Variants in TRAF3IP1 observed in about 807,000 individuals in gnomAD.
The protein encoded by TRAF3IP1 is TRAF3-interacting protein 1.
A neutral mutation model predicts 89.9 loss-of-function variants in TRAF3IP1; 53 were observed. The observed-to-expected ratio is 0.59, with a 90% confidence interval of 0.47 to 0.74. TRAF3IP1 has a LOEUF of 0.74. Among genes scored for constraint, TRAF3IP1 ranks in the 30% least tolerant of loss-of-function variants. The pLI, the probability that TRAF3IP1 is intolerant of heterozygous loss-of-function variation, is 0.00. For missense variants in TRAF3IP1, 806 were observed against 866.1 expected (o/e 0.93, Z 0.87); for synonymous variants, 311 against 322.1 (o/e 0.97, Z 0.37).
At chr2:238,343,559 T>C (rs1022552024) in intron 8 of TRAF3IP1, among the ~76,000 whole-genome samples, 2 of 151,776 alleles carry the variant, frequency 1.3e-5, no homozygotes, top group African/African-American at 4.8e-5. Flanking sequence ...TTTTTGTAGA[T>C]ATGAGGTTTC....
chr2:238,328,893 A>C, intron 4 of TRAF3IP1, 33 bp from the exon 5 acceptor site: 1 of 1,584,908 alleles, frequency 6.3e-7, no homozygotes, highest in Non-Finnish European at 8.6e-7. Flanking sequence ...TTAGGTAAAA[A>C]TATTCATAAA....
intron 8 of TRAF3IP1, among the ~76,000 whole-genome samples, chr2:238,344,088 A>T (rs1698782693): frequency 6.6e-6 from 1 of 152,138 alleles, no homozygotes; most frequent in Non-Finnish European, 1.5e-5. Context: ...AGGACTGTGC[A>T]CTGTGTCCAA....
At chr2:238,394,874 G>A (rs1019768798) in intron 15 of TRAF3IP1, among the ~76,000 whole-genome samples, 2 of 152,204 alleles carry the variant, frequency 1.3e-5, no homozygotes, top group African/African-American at 4.8e-5. Flanking sequence ...TAGGCACAAG[G>A]TCCTGCCCTC....
chr2:238,399,261 A>C lies in TRAF3IP1; in HGVS notation c.*342A>C, dbSNP rs1444439076. ...GCAGGTAAGTGGTGTGGGCATACCA[A>C]GGGAACAGTAGTCCTTTATTTTGGT... On this transcript the variant is annotated 3_prime_UTR_variant, in exon 17 of 17. Coordinates refer to ENST00000373327, the MANE Select transcript of TRAF3IP1 (RefSeq NM_015650.4). 1 of 171,784 alleles carries C rather than the reference A, an allele frequency of 5.8e-6. No homozygotes were observed. The highest frequency in any genetic ancestry group is 5.9e-5 in the Admixed American group (1 of 17,082). The allele number at this position is 171,784 out of a possible 1,614,324, so 10.6% of individuals were successfully genotyped here. A position where few individuals can be genotyped will look rare whatever the true frequency, so the allele number is the denominator to read the frequency against.
At chr2:238,373,706 C>G (rs1216467023) in intron 15 of TRAF3IP1, among the ~76,000 whole-genome samples, 2 of 152,120 alleles carry the variant, frequency 1.3e-5, no homozygotes, top group Non-Finnish European at 2.9e-5. Flanking sequence ...GGCATTGAAT[C>G]TATAAATTAC....
At position 238,379,953 on chromosome 2, in the gene TRAF3IP1, G is replaced by A. The variant is rs1700476117; in HGVS notation, c.1690-17506G>A. ...CTCACTGGCCATTTCCAGCATTGATGGAGAAAGACAATTTTAAAGTCCATT... is the reference window on the plus strand; with the variant it reads ...CTCACTGGCCATTTCCAGCATTGATAGAGAAAGACAATTTTAAAGTCCATT... On this transcript the variant is annotated intron_variant, in intron 15 of 16. Coordinates refer to ENST00000373327, the MANE Select transcript of TRAF3IP1 (RefSeq NM_015650.4). This position sits in a 1 kb window ranked among gnomAD's most constrained non-coding sequence, Gnocchi z 4.0. Among the ~76,000 whole-genome samples the A allele has an allele frequency of 6.6e-6, 1 of 152,170 alleles. No homozygotes were observed. Among genetic ancestry groups the A allele is most frequent in the Non-Finnish European group, 1.5e-5 (1 of 68,032 alleles).
intron 15 of TRAF3IP1, among the ~76,000 whole-genome samples, chr2:238,361,147 A>G (rs1197510334): frequency 6.6e-6 from 1 of 151,600 alleles, no homozygotes; most frequent in Non-Finnish European, 1.5e-5. Flanking sequence ...CCCAGGCTCA[A>G]GTGATCCTCC....
chr2:238,347,333 T>C, intron 9 of TRAF3IP1, 122 bp from the exon 10 acceptor site: 1 of 1,031,502 alleles, frequency 9.7e-7, no homozygotes, highest in South Asian at 1.4e-5. Context: ...GAAATGATCT[T>C]TTTTTCTTAG....
rs143781260 is a variant in TRAF3IP1 at position 238,330,446 on chromosome 2, C to T, written c.915+1104C>T. Among the ~76,000 whole-genome samples, 393 of 152,286 alleles carry T rather than the reference C, an allele frequency of 2.6e-3. 4 individuals carry two copies. Among genetic ancestry groups the T allele is most frequent in the Admixed American group, 5.2e-3 (79 of 15,300 alleles). ...GGGGATGTCAAATTGTAAAGCATCC[C>T]GCGAAGATGTTGGAAATCATCTTGT... On this transcript the variant is annotated intron_variant, in intron 5 of 16. Transcript: ENST00000373327.
chr2:238,330,124 A>G (rs1020579260), intron 5 of TRAF3IP1, among the ~76,000 whole-genome samples: 2 of 152,168 alleles, frequency 1.3e-5, no homozygotes, highest in Non-Finnish European at 2.9e-5. Context: ...CCTCCACCTT[A>G]GCATTGCAAG....
At chr2:238,377,156 T>A (rs1289854124) in intron 15 of TRAF3IP1, among the ~76,000 whole-genome samples, 1 of 151,446 alleles carries the variant, frequency 6.6e-6, no homozygotes, top group Non-Finnish European at 1.5e-5. Flanking sequence ...TGCATTTCTG[T>A]GGCTAGGCCC....
At chr2:238,339,840 A>G (rs1305681955) in intron 8 of TRAF3IP1, among the ~76,000 whole-genome samples, 1 of 152,280 alleles carries the variant, frequency 6.6e-6, no homozygotes, top group African/African-American at 2.4e-5. Context: ...CAATGGATTT[A>G]GAACAAATTG....
In TRAF3IP1 at chr2:238,400,418, C is replaced by G. The variant is rs1262375575; in HGVS notation, c.*1499C>G. 6.6e-6 allele frequency: 1 copy of G among 152,154 alleles called. No individual in the cohort carries two copies. The highest frequency in any genetic ancestry group is 1.9e-4 in the East Asian group (1 of 5,192). 9.4% of individuals were successfully genotyped at this position (152,154 alleles called of 1,614,324 possible). ...CAGGTTTTGTTTCTTTAAGGATTAG[C>G]ACAAATGGCACCGTTGGGTTTTTCT... On this transcript the variant is annotated 3_prime_UTR_variant, in exon 17 of 17. Transcript: ENST00000373327.
At chr2:238,334,178 TAATGA>T in intron 7 of TRAF3IP1, 143 bp downstream of exon 7, 1 of 675,976 alleles carries the variant, frequency 1.5e-6, no homozygotes, top group Non-Finnish European at 2.5e-6. Context: ...CGTGTGGAAA[TAATGA>T]AGATTTGTGG....
At chr2:238,391,303 C>T (rs776078141) in intron 15 of TRAF3IP1, among the ~76,000 whole-genome samples, 1 of 152,176 alleles carries the variant, frequency 6.6e-6, no homozygotes, top group Non-Finnish European at 1.5e-5. Flanking sequence ...TCATCTAATT[C>T]CTGTGTGGGG....
intron 15 of TRAF3IP1, among the ~76,000 whole-genome samples, chr2:238,384,890 T>G (rs1281567297): frequency 6.6e-6 from 1 of 152,234 alleles, no homozygotes; most frequent in Non-Finnish European, 1.5e-5. Flanking sequence ...TAGATAAATG[T>G]ATTTGTGACT....
At chr2:238,364,178 G>A (rs949209678) in intron 15 of TRAF3IP1, among the ~76,000 whole-genome samples, 4 of 151,960 alleles carry the variant, frequency 2.6e-5, no homozygotes, top group African/African-American at 9.7e-5. Context: ...TTTTTTCAAT[G>A]CTAAAGAAAT....
Position 238,399,188 on chromosome 2 carries a change from C to G in TRAF3IP1, c.*269C>G, listed in dbSNP as rs559475429. On this transcript the variant is annotated 3_prime_UTR_variant, in exon 17 of 17. Coordinates refer to ENST00000373327, the MANE Select transcript of TRAF3IP1 (RefSeq NM_015650.4). Reference sequence around the variant, plus strand: ...TGAAAAGTTTTTTTGAAAGCCTGTTCTTTGTGTTTCTGCTGTAACCTGTTT... The same window carrying G: ...TGAAAAGTTTTTTTGAAAGCCTGTTGTTTGTGTTTCTGCTGTAACCTGTTT... The G allele has an allele frequency of 1.3e-4, 43 of 321,140 alleles. No individual in the cohort carries two copies. In the Admixed American group the frequency reaches 1.8e-3, roughly 13 times the overall value. 19.9% of individuals were successfully genotyped at this position (321,140 alleles called of 1,614,324 possible).
At chr2:238,396,715 C>T (rs1014371070) in intron 15 of TRAF3IP1, among the ~76,000 whole-genome samples, 4 of 152,132 alleles carry the variant, frequency 2.6e-5, no homozygotes, top group Non-Finnish European at 4.4e-5. Context: ...TGGCCCAAAC[C>T]GCATGCAGCT....
Sources: allele counts gnomAD v4.1 joint callset (sites outside exome capture counted in the v4.1 genomes callset), GRCh38; gene constraint gnomAD v4.1.1; non-coding constraint Gnocchi (gnomAD v3.1); transcripts MANE v1.5; gene names NCBI Gene and HGNC (gene_info 2026-07-23, HGNC 2026-07-21).